The following RGS7 variants were observed in gnomAD, a reference collection of about 807,000 sequenced individuals.
RGS7 encodes regulator of G protein signaling 7.
Under a neutral mutation model 81.1 loss-of-function variants are expected in RGS7, and 27 were observed. The ratio of observed to expected loss-of-function variants is 0.33; its 90% CI spans 0.25 to 0.46. RGS7 has a LOEUF of 0.46. Ranked by LOEUF, RGS7 falls within the 20% of genes least tolerant of loss-of-function variation. The pLI, the probability that RGS7 is intolerant of heterozygous loss-of-function variation, is 1.00. For missense variants in RGS7, 396 were observed against 607.4 expected (o/e 0.65, Z 3.66); for synonymous variants, 208 against 207.7 (o/e 1.00, Z -0.01).
chr1:241,115,566 A>G (rs749992569), intron 2 of RGS7, among the ~76,000 whole-genome samples: 2 of 152,144 alleles, frequency 1.3e-5, no homozygotes, highest in African/African-American at 4.8e-5. Flanking sequence ...TTGTATGTGT[A>G]TTGATTTGTA....
chr1:240,889,302 C>T (rs962397838), intron 6 of RGS7, among the ~76,000 whole-genome samples: 1 of 152,126 alleles, frequency 6.6e-6, no homozygotes, highest in Admixed American at 6.5e-5. Context: ...AGGGAATCAA[C>T]TCCAGGAATA....
intron 9 of RGS7, among the ~76,000 whole-genome samples, chr1:240,858,240 A>G (rs945414283): frequency 1.1e-4 from 17 of 152,200 alleles, no homozygotes; most frequent in Admixed American, 9.2e-4. Context: ...TTTCCTATTC[A>G]TTTGGGTAAA....
At position 240,775,865 on chromosome 1, in the gene RGS7, G is replaced by A. The variant is rs1007030180; in HGVS notation, c.*355C>T. 1.2e-5 allele frequency: 4 copies of A among 327,212 alleles called. No individual in the cohort carries two copies. The highest frequency in any genetic ancestry group is 1.7e-5 in the Non-Finnish European group (3 of 171,682). 20.3% of individuals were successfully genotyped at this position (327,212 alleles called of 1,614,324 possible). ...ACTGTGTGTCTAACTGAAGCTTTGA[G>A]AGAGAGAGAGAGAGAAAGAAGGAAA... On this transcript the variant is annotated 3_prime_UTR_variant, in exon 19 of 19. Coordinates refer to ENST00000440928, the MANE Select transcript of RGS7 (RefSeq NM_001364886.1).
At chr1:240,935,510 C>T (rs1049936977) in intron 5 of RGS7, among the ~76,000 whole-genome samples, 2 of 152,130 alleles carry the variant, frequency 1.3e-5, no homozygotes, top group African/African-American at 2.4e-5. Flanking sequence ...GTCAGTATCA[C>T]AGTTTCAGGA....
At position 241,286,667 on chromosome 1, in the gene RGS7, C is replaced by G. The variant is rs79071511; in HGVS notation, c.78+69032G>C. The stretch of plus-strand genomic sequence containing the variant: ...CCATTTGGCCCAAACTAGGGTTTTT[C>G]TCTCAGGTCTTTTGGGCTTTCTGAA... On this transcript the variant is annotated intron_variant, in intron 2 of 18. Coordinates refer to ENST00000440928, the MANE Select transcript of RGS7 (RefSeq NM_001364886.1). 4.4e-3 allele frequency among the ~76,000 whole-genome samples: 665 copies of G among 151,524 alleles called. 3 individuals are homozygous for G. Among genetic ancestry groups the G allele is most frequent in the African/African-American group, 0.015 (615 of 40,846 alleles).
chr1:241,041,264 G>A (rs1420364066), intron 3 of RGS7, among the ~76,000 whole-genome samples: 2 of 152,084 alleles, frequency 1.3e-5, no homozygotes, highest in South Asian at 2.1e-4. Flanking sequence ...GGAAAGTTAA[G>A]TTTTACTGCG....
intron 3 of RGS7, among the ~76,000 whole-genome samples, chr1:241,029,225 G>C (rs1177382747): frequency 6.6e-6 from 1 of 152,098 alleles, no homozygotes; most frequent in Non-Finnish European, 1.5e-5. Flanking sequence ...TGGGGGGAGG[G>C]GGAGGGAAGT....
chr1:241,118,979 C>T (rs549394797), intron 2 of RGS7, among the ~76,000 whole-genome samples: 1 of 152,248 alleles, frequency 6.6e-6, no homozygotes, highest in African/African-American at 2.4e-5. Flanking sequence ...AGCCTACTTT[C>T]ATCAGTATGC....
chr1:241,173,731 T>C (rs2070900546), intron 2 of RGS7, among the ~76,000 whole-genome samples: 1 of 152,194 alleles, frequency 6.6e-6, no homozygotes. Context: ...CAATCAGCCA[T>C]GATAGCACCA....
intron 3 of RGS7, among the ~76,000 whole-genome samples, chr1:241,027,340 T>A (rs1226199938): frequency 6.6e-6 from 1 of 152,158 alleles, no homozygotes; most frequent in East Asian, 1.9e-4. Context: ...AATAAGATCC[T>A]ATAATAAGAA....
chr1:241,288,091 T>A (rs2078914513), intron 2 of RGS7, among the ~76,000 whole-genome samples: 1 of 152,212 alleles, frequency 6.6e-6, no homozygotes, highest in African/African-American at 2.4e-5. Context: ...ATTAACATTT[T>A]ATTTGATGTA....
chr1:241,165,245 T>G lies in RGS7; in HGVS notation c.79-66483A>C, dbSNP rs1012314199. ...ATTTCTTAAACTACCGATTTAATAATTCATTCCCCAAATACTTAATGATTG... is the reference window on the plus strand; with the variant it reads ...ATTTCTTAAACTACCGATTTAATAAGTCATTCCCCAAATACTTAATGATTG... On this transcript the variant is annotated intron_variant, in intron 2 of 18. Transcript: ENST00000440928. Among the ~76,000 whole-genome samples the G allele has an allele frequency of 3.3e-5, 5 of 152,198 alleles. No individual in the cohort carries two copies. In the East Asian group the frequency reaches 7.7e-4, roughly 23 times the overall value.
At chr1:241,162,385 C>A (rs745391178) in intron 2 of RGS7, among the ~76,000 whole-genome samples, 1 of 152,190 alleles carries the variant, frequency 6.6e-6, no homozygotes, top group Non-Finnish European at 1.5e-5. Context: ...AAACACACTG[C>A]GCACGCAGCC....
At chr1:240,984,547 T>C (rs893457507) in intron 3 of RGS7, among the ~76,000 whole-genome samples, 3 of 152,350 alleles carry the variant, frequency 2.0e-5, no homozygotes, top group African/African-American at 2.4e-5. Context: ...CTGATTTGCT[T>C]GAGACATTCA....
At chr1:240,916,359 G>A (rs1672629317) in intron 6 of RGS7, among the ~76,000 whole-genome samples, 1 of 151,360 alleles carries the variant, frequency 6.6e-6, no homozygotes, top group Non-Finnish European at 1.5e-5. Context: ...AATATAAAAG[G>A]CATAACATAC....
chr1:241,309,008 C>CTG (rs2080339766), intron 2 of RGS7, among the ~76,000 whole-genome samples: 2 of 152,140 alleles, frequency 1.3e-5, no homozygotes, highest in Non-Finnish European at 1.5e-5. Context: ...AAGAGGAACA[C>CTG]ACAAACTGGT....
intron 2 of RGS7, among the ~76,000 whole-genome samples, chr1:241,226,438 T>C (rs1241586240): frequency 6.6e-6 from 1 of 152,174 alleles, no homozygotes; most frequent in Non-Finnish European, 1.5e-5. Flanking sequence ...GATATCTCTA[T>C]CTCAGTCTAA....
At chr1:240,777,723 G>T (rs571294951) in intron 18 of RGS7, among the ~76,000 whole-genome samples, 27 of 152,176 alleles carry the variant, frequency 1.8e-4, no homozygotes, top group Admixed American at 4.6e-4. Context: ...GTGCATTCTC[G>T]TTGTGTCCTC....
chr1:241,010,643 C>A (rs1373345328), intron 3 of RGS7, among the ~76,000 whole-genome samples: 1 of 152,214 alleles, frequency 6.6e-6, no homozygotes, highest in East Asian at 1.9e-4. Flanking sequence ...AGCATAACTT[C>A]TCAGCTAAAA....
Sources: allele counts gnomAD v4.1 joint callset (sites outside exome capture counted in the v4.1 genomes callset), GRCh38; gene constraint gnomAD v4.1.1; transcripts MANE v1.5; gene names NCBI Gene and HGNC (gene_info 2026-07-23, HGNC 2026-07-21).